Variants in PRELID2 observed in about 807,000 individuals in gnomAD.
The protein encoded by PRELID2 is PRELI domain containing 2, also known as PRELI domain-containing protein 2.
In PRELID2, 25 loss-of-function variants were observed where a neutral mutation model predicts 28.4. The observed-to-expected ratio is 0.88, with a 90% confidence interval of 0.64 to 1.23. The LOEUF is 1.23. Ranked by LOEUF, PRELID2 falls within the 50% of genes most tolerant of loss-of-function variation. PRELID2 has a pLI of 0.00. For synonymous variants in PRELID2, 76 were observed against 71.6 expected (o/e 1.06, Z -0.31); for missense variants, 201 against 214.4 (o/e 0.94, Z 0.39).
intron 1 of PRELID2, among the ~76,000 whole-genome samples, chr5:145,544,352 C>G (rs1752768748): frequency 6.6e-6 from 1 of 152,052 alleles, no homozygotes; most frequent in African/African-American, 2.4e-5. Context: ...ACTCATCAAA[C>G]AAACAAACTG....
the PRELID2 span, among the ~76,000 whole-genome samples, chr5:145,302,141 A>AT: frequency 1.3e-5 from 2 of 151,082 alleles, no homozygotes; most frequent in Non-Finnish European, 3.0e-5. Flanking sequence ...TAGATCTTTA[A>AT]TTTTTTATTC....
At chr5:145,538,516 C>A (rs1350454067) in intron 1 of PRELID2, among the ~76,000 whole-genome samples, 2 of 152,056 alleles carry the variant, frequency 1.3e-5, no homozygotes, top group East Asian at 3.9e-4. Context: ...GTGGCTATGG[C>A]AGATTATAGA....
chr5:145,417,589 C>T, the PRELID2 span, among the ~76,000 whole-genome samples: 2,255 of 152,238 alleles, frequency 0.015, 58 homozygotes, highest in African/African-American at 0.051. Flanking sequence ...AAGGTTGGTT[C>T]AACATAGGCA....
the PRELID2 span, chr5:145,338,090 A>G: frequency 6.6e-6 from 1 of 152,238 alleles, no homozygotes; most frequent in South Asian, 2.1e-4. Flanking sequence ...TCAAAACTTT[A>G]CATTGAAATC....
chr5:145,710,849 C>A (rs182435976), intron 1 of PRELID2, among the ~76,000 whole-genome samples: 4 of 152,318 alleles, frequency 2.6e-5, no homozygotes, highest in East Asian at 1.9e-4. Context: ...AACTCATACA[C>A]CAGAACTTAA....
chr5:145,393,881 A>G, the PRELID2 span, among the ~76,000 whole-genome samples: 1 of 152,184 alleles, frequency 6.6e-6, no homozygotes, highest in African/African-American at 2.4e-5. Flanking sequence ...GTTTGTTGGT[A>G]AACCAGGCTA....
chr5:145,817,206 A>AAAAAT (rs1554099345), intron 4 of PRELID2, among the ~76,000 whole-genome samples: 1 of 62,864 alleles, frequency 1.6e-5, no homozygotes, highest in African/African-American at 4.1e-5. Flanking sequence ...AAAATAAATA[A>AAAAAT]ATAAATAAAA....
chr5:145,237,608 A>C, the PRELID2 span, among the ~76,000 whole-genome samples: 1 of 152,082 alleles, frequency 6.6e-6, no homozygotes, highest in Non-Finnish European at 1.5e-5. Flanking sequence ...CCACCCTTGT[A>C]GCCTTTCAAA....
At chr5:145,779,966 A>G (rs1169550370) in intron 5 of PRELID2, among the ~76,000 whole-genome samples, 1 of 152,218 alleles carries the variant, frequency 6.6e-6, no homozygotes, top group Non-Finnish European at 1.5e-5. Flanking sequence ...AACTAGCTTG[A>G]GCCCAGGAGT....
intron 1 of PRELID2, among the ~76,000 whole-genome samples, chr5:145,694,377 A>C (rs1466311201): frequency 6.6e-6 from 1 of 152,216 alleles, no homozygotes; most frequent in Non-Finnish European, 1.5e-5. Context: ...TCTAAAATAA[A>C]GATGCATGAT....
At chr5:145,473,968 T>TA (rs988552367) in intron 1 of PRELID2, among the ~76,000 whole-genome samples, 14 of 152,220 alleles carry the variant, frequency 9.2e-5, no homozygotes, top group Non-Finnish European at 1.5e-5. Flanking sequence ...AAGTTACAGT[T>TA]AAATCTGTGG....
chr5:145,450,318 G>A, the PRELID2 span, among the ~76,000 whole-genome samples: 1 of 152,102 alleles, frequency 6.6e-6, no homozygotes, highest in Non-Finnish European at 1.5e-5. Context: ...GTCAATGAGA[G>A]GCAATCATCG....
the PRELID2 span, among the ~76,000 whole-genome samples, chr5:145,234,235 C>A: frequency 2.0e-5 from 3 of 152,112 alleles, no homozygotes; most frequent in Non-Finnish European, 4.4e-5. Context: ...TTAGCAATAT[C>A]AACTTTAACA....
intron 1 of PRELID2, among the ~76,000 whole-genome samples, chr5:145,576,008 T>C (rs1177130465): frequency 1.3e-5 from 2 of 152,152 alleles, no homozygotes; most frequent in Admixed American, 1.3e-4. Context: ...AAAATCTCCT[T>C]CTAGACATCA....
chr5:145,829,552 C>T (rs1755444820), intron 1 of PRELID2, among the ~76,000 whole-genome samples: 1 of 152,172 alleles, frequency 6.6e-6, no homozygotes, highest in Admixed American at 6.5e-5. Flanking sequence ...CTCCAGAAGA[C>T]AGTGATTATT....
At chr5:145,521,884 T>C (rs1478609778) in intron 1 of PRELID2, among the ~76,000 whole-genome samples, 1 of 152,212 alleles carries the variant, frequency 6.6e-6, no homozygotes, top group African/African-American at 2.4e-5. Flanking sequence ...AAGCACCAGT[T>C]CCAACTTGTA....
chr5:145,322,674 A>G, the PRELID2 span, among the ~76,000 whole-genome samples: 2 of 152,234 alleles, frequency 1.3e-5, no homozygotes, highest in Non-Finnish European at 2.9e-5. Context: ...CCCTGGGAAT[A>G]TAATAGAGAT....
intron 1 of PRELID2, among the ~76,000 whole-genome samples, chr5:145,713,485 T>G (rs1230410717): frequency 1.4e-5 from 2 of 145,058 alleles, no homozygotes; most frequent in Non-Finnish European, 3.0e-5. Context: ...ACACTATATA[T>G]ATATACTATA....
chr5:145,273,334 G>T, the PRELID2 span, among the ~76,000 whole-genome samples: 71 of 152,076 alleles, frequency 4.7e-4, no homozygotes, highest in Non-Finnish European at 5.9e-5. Flanking sequence ...CTGCTTTTCG[G>T]GTCTTAAGCA....
Sources: allele counts gnomAD v4.1 joint callset (sites outside exome capture counted in the v4.1 genomes callset), GRCh38; gene constraint gnomAD v4.1.1; transcripts MANE v1.5; gene names NCBI Gene and HGNC (gene_info 2026-07-23, HGNC 2026-07-21).